The following B4GALNT1 variants were observed in gnomAD, a reference collection of about 807,000 sequenced individuals.
B4GALNT1 encodes beta-1,4 N-acetylgalactosaminyltransferase 1.
A neutral mutation model predicts 55.2 loss-of-function variants in B4GALNT1; 43 were observed. That is an observed-to-expected ratio of 0.78 (90% confidence interval 0.61 to 1.00). The LOEUF is 1.00. B4GALNT1 is among the 50% of genes least tolerant of loss of function. B4GALNT1 has a pLI of 0.00. For missense variants in B4GALNT1, 664 were observed against 729.7 expected (o/e 0.91, Z 1.04); for synonymous variants, 305 against 311.6 (o/e 0.98, Z 0.22).
chr12:57,624,511 G>T lies in B4GALNT1; in HGVS notation c.*2233C>A. The T allele has an allele frequency of 1.6e-6, 1 of 625,526 alleles. No homozygotes were observed. The highest frequency in any genetic ancestry group is 3.1e-6 in the Non-Finnish European group (1 of 320,308). 38.7% of individuals were successfully genotyped at this position (625,526 alleles called of 1,614,324 possible). ...TCCCTATCCTGCAGGCTGTGTGGAT[G>T]GTCACCTGGGTGGCAGTAGTGACCC... On this transcript the variant is annotated 3_prime_UTR_variant, in exon 11 of 11. Transcript: ENST00000341156.
At chr12:57,630,568 C>T in intron 4 of B4GALNT1, 50 bp from the exon 5 acceptor site, 1 of 1,549,302 alleles carries the variant, frequency 6.5e-7, no homozygotes, top group Non-Finnish European at 8.7e-7. Context: ...GCCCTGAATT[C>T]TTTCTCATTT....
Position 57,623,927 on chromosome 12 carries a change from G to A in B4GALNT1, c.*2817C>T, listed in dbSNP as rs1180867901. ...TATCTGCCCAAGGTAATGAGCAGAG[G>A]AGGCATGAGCATGGCTGGGAGGGGT... On this transcript the variant is annotated 3_prime_UTR_variant, in exon 11 of 11. Transcript: ENST00000341156. The A allele has an allele frequency of 2.5e-6, 4 of 1,613,888 alleles. No homozygotes were observed. The highest frequency in any genetic ancestry group is 2.2e-5 in the East Asian group (1 of 44,896).
In B4GALNT1 at chr12:57,625,461, A is replaced by G. The variant is rs1371942321; in HGVS notation, c.*1283T>C. On this transcript the variant is annotated 3_prime_UTR_variant, in exon 11 of 11. Coordinates refer to ENST00000341156, the MANE Select transcript of B4GALNT1 (RefSeq NM_001478.5). ...GATCCGCCTCCTCCTGGCTCAGTGT[A>G]ATGGTGAGATGTGTGGAGAAGAGCG... 6.2e-7 allele frequency: 1 copy of G among 1,614,118 alleles called. No homozygotes were observed. Among genetic ancestry groups the G allele is most frequent in the East Asian group, 2.2e-5 (1 of 44,872 alleles).
intron 8 of B4GALNT1, 60 bp from the exon 9 acceptor site, chr12:57,628,322 C>T (rs906712215): frequency 1.2e-6 from 2 of 1,603,382 alleles, no homozygotes; most frequent in Non-Finnish European, 1.7e-6. Flanking sequence ...CCCTCTGCCA[C>T]CTTTCTTTCT....
intron 1 of B4GALNT1, chr12:57,632,363 T>C: frequency 1.5e-6 from 1 of 677,730 alleles, no homozygotes; most frequent in South Asian, 1.6e-5. Context: ...CTCTCCTGCA[T>C]CTCGGTTTCC....
chr12:57,628,063 G>A lies in B4GALNT1; in HGVS notation c.1143+59C>T. 2.5e-6 allele frequency: 4 copies of A among 1,594,012 alleles called. No individual in the cohort carries two copies. The Admixed American group carries it at 5.1e-5, about 20-fold the overall frequency. On this transcript the variant is annotated intron_variant, in intron 9 of 10. Transcript: ENST00000341156. ...CGTTCCTGGCCGCAGCGCCCCCGCT[G>A]TGGCCTTAGCCTGTTCAAGGCCCTT...
chr12:57,632,502 C>T, intron 1 of B4GALNT1: 2 of 340,632 alleles, frequency 5.9e-6, no homozygotes, highest in South Asian at 2.6e-5. Context: ...GCCGCCCGCC[C>T]TGGCCGGCGC....
At chr12:57,627,944 G>A in intron 9 of B4GALNT1, 86 bp from the exon 10 acceptor site, 1 of 1,470,564 alleles carries the variant, frequency 6.8e-7, no homozygotes, top group Non-Finnish European at 9.0e-7. Flanking sequence ...GCCTTCGGGG[G>A]TACCCCTGCC....
chr12:57,627,469 G>T (rs912722942), intron 10 of B4GALNT1, 149 bp downstream of exon 10: 17 of 863,232 alleles, frequency 2.0e-5, no homozygotes, highest in Non-Finnish European at 2.5e-5. Context: ...TCTCGCCCAG[G>T]TGCAGGTCTT....
chr12:57,627,190 A>G (rs957805633), intron 10 of B4GALNT1, among the ~76,000 whole-genome samples: 1 of 152,108 alleles, frequency 6.6e-6, no homozygotes, highest in African/African-American at 2.4e-5. Flanking sequence ...CCCAGAGGTT[A>G]AATAAACGCC....
rs1245274814 is a variant in B4GALNT1, at chr12:57,626,628, C to T, written c.*116G>A. 1 of 1,210,832 alleles carries T rather than the reference C, an allele frequency of 8.3e-7. No individual in the cohort carries two copies. The highest frequency in any genetic ancestry group is 1.5e-5 in the African/African-American group (1 of 66,724). 75.0% of individuals were successfully genotyped at this position (1,210,832 alleles called of 1,614,324 possible). A position where few individuals can be genotyped will look rare whatever the true frequency, so the allele number is the denominator to read the frequency against. On this transcript the variant is annotated 3_prime_UTR_variant, in exon 11 of 11. Coordinates refer to ENST00000341156, the MANE Select transcript of B4GALNT1 (RefSeq NM_001478.5). ...GGTTCTGAAAAGGAAGAGTGAGGAA[C>T]TAGAGGCTCAGGGACAGCCAGTAGA...
chr12:57,629,717 G>A (rs1337569788), intron 6 of B4GALNT1: 1 of 1,364,568 alleles, frequency 7.3e-7, no homozygotes, highest in Non-Finnish European at 9.6e-7. Flanking sequence ...AAAGTGCAAA[G>A]GCCCTAAGGT....
intron 1 of B4GALNT1, 84 bp from the exon 2 acceptor site, chr12:57,632,217 AG>A (rs1339112061): frequency 1.4e-5 from 18 of 1,321,320 alleles, no homozygotes; most frequent in Non-Finnish European, 1.6e-5. Flanking sequence ...GCGTCCTCAG[AG>A]GCTCCTGCCG....
chr12:57,632,605 A>C, intron 1 of B4GALNT1, 167 bp downstream of exon 1: 1 of 178,018 alleles, frequency 5.6e-6, no homozygotes, highest in Non-Finnish European at 1.2e-5. Flanking sequence ...ATGCAGAATC[A>C]TGCCCGTGCT....
At position 57,630,526 on chromosome 12, in the gene B4GALNT1, A is replaced by C. The variant is rs779227236; in HGVS notation, c.491-8T>G. The C allele has an allele frequency of 6.2e-7, 1 of 1,604,310 alleles. No homozygotes were observed. The highest frequency in any genetic ancestry group is 2.2e-5 in the East Asian group (1 of 44,814). ...CTGCCTGAAGGCTCAGCCCTAGGAG[A>C]AAGGAGTGGGGGGATCAGAATCACA... On this transcript the variant is annotated splice_polypyrimidine_tract_variant and splice_region_variant and intron_variant, in intron 4 of 10. Coordinates refer to ENST00000341156, the MANE Select transcript of B4GALNT1 (RefSeq NM_001478.5).
chr12:57,623,746 A>T lies in B4GALNT1; in HGVS notation c.*2998T>A. 1 of 1,116,160 alleles carries T rather than the reference A, an allele frequency of 9.0e-7. No individual in the cohort carries two copies. 69.1% of individuals were successfully genotyped at this position (1,116,160 alleles called of 1,614,324 possible). ...TTTGGGAGAAGGGAGACTTCCGAGG[A>T]AGATTAGGCAGAGTGGGCAGGAAGA... On this transcript the variant is annotated 3_prime_UTR_variant, in exon 11 of 11. Transcript: ENST00000341156.
chr12:57,629,124 A>G lies in B4GALNT1; in HGVS notation c.735T>C (p.His245=). The G allele has an allele frequency of 6.3e-7, 1 of 1,596,866 alleles. No individual in the cohort carries two copies. Residue 245 remains histidine (H), a synonymous_variant, in exon 7 of 11, where the codon CAT becomes CAC. Transcript: ENST00000341156. Reference sequence around the variant, plus strand: ...TTATGCGGATAGTGAAAGCAGCCTCATGTCCCTCGGTGGAGAACCGGACTG... The same window carrying G: ...TTATGCGGATAGTGAAAGCAGCCTCGTGTCCCTCGGTGGAGAACCGGACTG... ...ADTVRFSTEG[H]EAAFTIRIRH... is the part of the protein sequence containing the mutation.
rs1327126539 is a variant in B4GALNT1, at chr12:57,632,093, G to A, written c.40C>T (p.Leu14=). ...GRRALCALVL[L]LACASLGLLY... is the part of the protein sequence containing the mutation. ...AGCCCCAGCGAGGCGCAGGCGAGCA[G>A]AAGGACCAGAGCGCACAGGGCCCGG... Residue 14 remains leucine, a synonymous_variant, in exon 2 of 11, where the codon CTG becomes TTG. Transcript: ENST00000341156. 4 of 1,452,938 alleles carry A rather than the reference G, an allele frequency of 2.8e-6. No homozygotes were observed. The African/African-American group carries it at 4.4e-5, about 16-fold the overall frequency. 90.0% of individuals were successfully genotyped at this position (1,452,938 alleles called of 1,614,324 possible).
In B4GALNT1 at chr12:57,633,122, C is replaced by T. The variant is rs2140256696; in HGVS notation, c.-352G>A. 1 of 152,418 alleles carries T rather than the reference C, an allele frequency of 6.6e-6. No individual in the cohort carries two copies. The highest frequency in any genetic ancestry group is 1.9e-4 in the East Asian group (1 of 5,174). 9.4% of individuals were successfully genotyped at this position (152,418 alleles called of 1,614,324 possible). A position where few individuals can be genotyped will look rare whatever the true frequency, so the allele number is the denominator to read the frequency against. Reference sequence around the variant, plus strand: ...GCAGCGCGGGGAGGGCTCTGGCCGCCGCCCGGCTCTTCGCACCGCAGCGCA... The same window carrying T: ...GCAGCGCGGGGAGGGCTCTGGCCGCTGCCCGGCTCTTCGCACCGCAGCGCA... On this transcript the variant is annotated 5_prime_UTR_variant, in exon 1 of 11. Transcript: ENST00000341156.
Sources: allele counts gnomAD v4.1 joint callset (sites outside exome capture counted in the v4.1 genomes callset), GRCh38; gene constraint gnomAD v4.1.1; transcripts MANE v1.5; gene names NCBI Gene and HGNC (gene_info 2026-07-23, HGNC 2026-07-21).